Variants in RBFOX1 observed in about 807,000 individuals in gnomAD.
The protein encoded by RBFOX1 is RNA binding fox-1 homolog 1, also known as RNA binding protein fox-1 homolog 1.
RBFOX1 carries 8 observed loss-of-function variants against 57.7 expected under a neutral mutation model. The ratio of observed to expected loss-of-function variants is 0.14; its 90% CI spans 0.08 to 0.25. The LOEUF (loss-of-function observed/expected upper bound fraction) is 0.25. Ranked by LOEUF, RBFOX1 falls within the 10% of genes least tolerant of loss-of-function variation. The probability of loss-of-function intolerance (pLI) is 1.00; values close to 1 mark genes in which losing one functional copy is unlikely to be tolerated. For missense variants in RBFOX1, 611 were observed against 548.5 expected (o/e 1.11, Z -1.14); for synonymous variants, 326 against 222.4 (o/e 1.47, Z -4.15).
At chr16:5,365,829 C>G (rs935338292) in intron 1 of RBFOX1, 1 of 517,972 alleles carries the variant, frequency 1.9e-6, no homozygotes, top group African/African-American at 1.9e-5. Context: ...CATGAGCCCC[C>G]TGAGGCCCCA....
intron 4 of RBFOX1, among the ~76,000 whole-genome samples, chr16:7,178,463 T>C (rs1482676861): frequency 6.6e-6 from 1 of 152,218 alleles, no homozygotes; most frequent in Non-Finnish European, 1.5e-5. Context: ...AAATTTTTTT[T>C]ATTCGTTCAT....
At chr16:5,724,956 C>G (rs34522383) in intron 3 of RBFOX1, among the ~76,000 whole-genome samples, 34,740 of 152,068 alleles carry the variant, frequency 0.23, 5,390 homozygotes, top group East Asian at 0.66. Flanking sequence ...TGGGGAAGGG[C>G]CATGTATCAG....
chr16:7,382,367 C>G (rs1365791700), intron 4 of RBFOX1, among the ~76,000 whole-genome samples: 1 of 152,176 alleles, frequency 6.6e-6, no homozygotes, highest in Non-Finnish European at 1.5e-5. Context: ...TGACTTTAAG[C>G]TGCTCTGGAA....
intron 3 of RBFOX1, among the ~76,000 whole-genome samples, chr16:6,761,311 C>T (rs965742374): frequency 6.6e-6 from 1 of 151,966 alleles, no homozygotes; most frequent in Admixed American, 6.6e-5. Flanking sequence ...TTGGTTGAAG[C>T]CTTTTGTCTG....
chr16:6,354,622 T>C (rs901278368), intron 2 of RBFOX1, among the ~76,000 whole-genome samples: 1 of 152,176 alleles, frequency 6.6e-6, no homozygotes, highest in Admixed American at 6.5e-5. Flanking sequence ...CCTGACTGTA[T>C]ACTAGCTGCA....
Position 6,539,795 on chromosome 16 carries a change from C to T in RBFOX1, c.-63-114808C>T, listed in dbSNP as rs570301073. On this transcript the variant is annotated intron_variant, in intron 2 of 15. Coordinates refer to ENST00000550418, the MANE Select transcript of RBFOX1 (RefSeq NM_018723.4). ...CCTAGGCGGCAGACTGAGGCTGCAT[C>T]TCAAAACACAGACACACACACACAC... Among the ~76,000 whole-genome samples the T allele has an allele frequency of 5.2e-4, 33 of 63,684 alleles. No homozygotes were observed. The East Asian group carries it at 0.034, about 66-fold the overall frequency. 41.8% of individuals were successfully genotyped at this position (63,684 alleles called of 152,430 possible).
intron 3 of RBFOX1, among the ~76,000 whole-genome samples, chr16:5,636,304 C>T (rs767020332): frequency 6.6e-6 from 1 of 152,102 alleles, no homozygotes; most frequent in African/African-American, 2.4e-5. Context: ...GCCAAGATTG[C>T]GCCATTTCAC....
intron 3 of RBFOX1, among the ~76,000 whole-genome samples, chr16:6,730,811 C>T (rs2068375426): frequency 6.6e-6 from 1 of 152,154 alleles, no homozygotes; most frequent in South Asian, 2.1e-4. Flanking sequence ...AGGAGTTTCT[C>T]ATATGTGGCT....
chr16:6,212,672 A>C (rs1436255976), intron 1 of RBFOX1, among the ~76,000 whole-genome samples: 1 of 152,070 alleles, frequency 6.6e-6, no homozygotes, highest in East Asian at 1.9e-4. Context: ...GTGCCACTGC[A>C]CTCCAGCCTG....
At chr16:5,254,157 T>A (rs1247573294) in intron 1 of RBFOX1, among the ~76,000 whole-genome samples, 1 of 152,232 alleles carries the variant, frequency 6.6e-6, no homozygotes, top group Non-Finnish European at 1.5e-5. Flanking sequence ...ATGCCCATTT[T>A]ACAGATGAGA....
intron 4 of RBFOX1, among the ~76,000 whole-genome samples, chr16:5,951,705 T>A (rs13332249): frequency 6.6e-6 from 1 of 151,750 alleles, no homozygotes; most frequent in Non-Finnish European, 1.5e-5. Flanking sequence ...TCTTCACAGG[T>A]AGCCACTTCC....
At chr16:7,412,559 C>CA (rs1425975600) in intron 4 of RBFOX1, among the ~76,000 whole-genome samples, 1 of 152,076 alleles carries the variant, frequency 6.6e-6, no homozygotes, top group Non-Finnish European at 1.5e-5. Flanking sequence ...TAAGCCCACA[C>CA]AAAAAATATG....
At chr16:5,878,005 G>T (rs1297394852) in intron 4 of RBFOX1, among the ~76,000 whole-genome samples, 1 of 152,190 alleles carries the variant, frequency 6.6e-6, no homozygotes, top group East Asian at 1.9e-4. Flanking sequence ...CCTCACACTT[G>T]CTCTAGAACC....
intron 1 of RBFOX1, among the ~76,000 whole-genome samples, chr16:5,466,845 T>G (rs1405693100): frequency 6.6e-6 from 1 of 152,214 alleles, no homozygotes; most frequent in Non-Finnish European, 1.5e-5. Context: ...CAGTGCTCCT[T>G]GATTCCTAGT....
intron 1 of RBFOX1, among the ~76,000 whole-genome samples, chr16:5,279,537 T>A (rs553749684): frequency 1.6e-4 from 24 of 152,366 alleles, no homozygotes; most frequent in African/African-American, 5.5e-4. Flanking sequence ...AGTCTCACTC[T>A]GTTGCCCAGG....
chr16:7,170,491 G>C (rs762290826), intron 4 of RBFOX1, among the ~76,000 whole-genome samples: 32 of 151,960 alleles, frequency 2.1e-4, no homozygotes, highest in Non-Finnish European at 4.1e-4. Flanking sequence ...GCCCATATTG[G>C]TCTCAAATTC....
At chr16:7,358,889 G>C (rs1301627042) in intron 4 of RBFOX1, among the ~76,000 whole-genome samples, 1 of 152,200 alleles carries the variant, frequency 6.6e-6, no homozygotes, top group African/African-American at 2.4e-5. Context: ...ACATGAGACA[G>C]TAAGACCATT....
At chr16:6,927,290 G>C (rs888299144) in intron 3 of RBFOX1, among the ~76,000 whole-genome samples, 15 of 151,504 alleles carry the variant, frequency 9.9e-5, no homozygotes, top group African/African-American at 3.4e-4. Flanking sequence ...ACACACACCT[G>C]TAGTATCAGC....
At chr16:6,568,757 G>A (rs370364056) in intron 2 of RBFOX1, among the ~76,000 whole-genome samples, 1 of 151,972 alleles carries the variant, frequency 6.6e-6, no homozygotes, top group Admixed American at 6.6e-5. Context: ...GATTACCAGT[G>A]TGCTTATAAC....
Sources: gnomAD v4.1 joint callset for allele counts (sites outside exome capture counted in the v4.1 genomes callset) on GRCh38, gnomAD v4.1.1 for gene constraint, MANE v1.5 for transcripts, NCBI Gene and HGNC (gene_info 2026-07-23, HGNC 2026-07-21) for gene names.